The following SLCO3A1 variants were observed in gnomAD, a reference collection of about 807,000 sequenced individuals.
SLCO3A1 encodes solute carrier organic anion transporter family member 3A1.
A neutral mutation model predicts 63.1 loss-of-function variants in SLCO3A1; 27 were observed. That is an observed-to-expected ratio of 0.43 (90% CI 0.32 to 0.59). The LOEUF is 0.59. Ranked by LOEUF, SLCO3A1 falls within the 20% of genes least tolerant of loss-of-function variation. The pLI, the probability that SLCO3A1 is intolerant of heterozygous loss-of-function variation, is 0.09. For missense variants in SLCO3A1, 773 were observed against 945.8 expected (o/e 0.82, Z 2.40); for synonymous variants, 473 against 409.9 (o/e 1.15, Z -1.86).
rs149482520 is a variant in SLCO3A1, at chr15:92,152,564, A to G, written c.1753+1550A>G. Among the ~76,000 whole-genome samples, 281 of 152,358 alleles carry G rather than the reference A, an allele frequency of 1.8e-3. 1 individual carries two copies. The highest frequency in any genetic ancestry group is 6.5e-3 in the African/African-American group (270 of 41,580). The stretch of plus-strand genomic sequence containing the variant: ...GGAAGCTGTAGTAGCATGCAGAAAT[A>G]CCAAGGCAGAGTTATGATCGTGCTG... On this transcript the variant is annotated intron_variant, in intron 9 of 9. Transcript: ENST00000318445.
At chr15:91,891,318 A>G (rs1897865262) in intron 1 of SLCO3A1, among the ~76,000 whole-genome samples, 1 of 152,184 alleles carries the variant, frequency 6.6e-6, no homozygotes, top group African/African-American at 2.4e-5. Context: ...ACCTTGTCTG[A>G]AGTCAGGCTT....
intron 2 of SLCO3A1, among the ~76,000 whole-genome samples, chr15:91,996,532 G>T (rs2046194103): frequency 6.6e-6 from 1 of 151,996 alleles, no homozygotes. Flanking sequence ...AGATGACCAA[G>T]AATAATTAAC....
At position 91,931,265 on chromosome 15, in the gene SLCO3A1, A is replaced by G. The variant is rs115411854; in HGVS notation, c.646+14807A>G. Among the ~76,000 whole-genome samples, 156 of 152,308 alleles carry G rather than the reference A, an allele frequency of 1.0e-3. 1 individual carries two copies. The highest frequency in any genetic ancestry group is 3.4e-3 in the African/African-American group (142 of 41,566). ...TGCGATGCATTATGCAGGCAAAGAAATAACATGACAAAGCCTCTCTCACAG... is the reference window on the plus strand; with the variant it reads ...TGCGATGCATTATGCAGGCAAAGAAGTAACATGACAAAGCCTCTCTCACAG... On this transcript the variant is annotated intron_variant, in intron 2 of 9. Coordinates refer to ENST00000318445, the MANE Select transcript of SLCO3A1 (RefSeq NM_013272.4).
chr15:91,977,161 T>C (rs1184182104), intron 2 of SLCO3A1, among the ~76,000 whole-genome samples: 1 of 152,160 alleles, frequency 6.6e-6, no homozygotes, highest in African/African-American at 2.4e-5. Flanking sequence ...GATGGATACA[T>C]GGATTGTGCA....
intron 2 of SLCO3A1, among the ~76,000 whole-genome samples, chr15:91,996,025 A>G (rs1188613782): frequency 1.3e-5 from 2 of 152,158 alleles, no homozygotes; most frequent in Non-Finnish European, 2.9e-5. Flanking sequence ...TGGATGTTCT[A>G]GCTATACTTA....
intron 2 of SLCO3A1, among the ~76,000 whole-genome samples, chr15:91,938,575 C>T (rs1486535945): frequency 1.3e-5 from 2 of 150,698 alleles, no homozygotes; most frequent in South Asian, 2.1e-4. Context: ...TGTCAGGCTA[C>T]TCTGAATGCT....
At chr15:91,985,848 C>T (rs2046045006) in intron 2 of SLCO3A1, among the ~76,000 whole-genome samples, 1 of 152,142 alleles carries the variant, frequency 6.6e-6, no homozygotes, top group African/African-American at 2.4e-5. Flanking sequence ...AGAGACAGGA[C>T]GGAAGGAGGA....
intron 2 of SLCO3A1, among the ~76,000 whole-genome samples, chr15:92,007,639 G>A (rs556287758): frequency 2.1e-4 from 32 of 152,130 alleles, no homozygotes; most frequent in Non-Finnish European, 4.1e-4. Context: ...AGAACCTCTC[G>A]CAGATTTTTA....
intron 7 of SLCO3A1, among the ~76,000 whole-genome samples, chr15:92,130,315 C>T (rs1272113847): frequency 1.3e-5 from 2 of 152,254 alleles, no homozygotes; most frequent in African/African-American, 4.8e-5. Context: ...CTGCTTACCT[C>T]TGGACCTACT....
chr15:92,164,393 G>A lies in SLCO3A1; in HGVS notation c.*1258G>A. On this transcript the variant is annotated 3_prime_UTR_variant, in exon 10 of 10. Transcript: ENST00000318445. ...CACATTTGAGACAACAGGGGATAAT[G>A]TGATGAATTGCAAATTTGCCTTTTA... 4.1e-6 allele frequency: 4 copies of A among 985,464 alleles called. No individual in the cohort carries two copies. The highest frequency in any genetic ancestry group is 4.7e-5 in the South Asian group (1 of 21,284). 61.0% of individuals were successfully genotyped at this position (985,464 alleles called of 1,614,324 possible). A position where few individuals can be genotyped will look rare whatever the true frequency, so the allele number is the denominator to read the frequency against.
At chr15:92,114,733 C>T (rs368002646) in intron 4 of SLCO3A1, among the ~76,000 whole-genome samples, 14 of 152,146 alleles carry the variant, frequency 9.2e-5, no homozygotes, top group Non-Finnish European at 1.9e-4. Flanking sequence ...TGTTGGGAAG[C>T]TCCTCATGGC....
chr15:91,853,917 G>C lies in SLCO3A1; in HGVS notation c.9G>C (p.Gly3=). The change falls in exon 1 of 10, where the codon GGG becomes GGC. Residue 3 remains glycine, a synonymous_variant. Transcript: ENST00000318445. MQ[G]KKPGGSSGGG... ...GCGGCGGCGGGGGAAGGATGCAGGGGAAGAAGCCGGGCGGTTCGTCGGGCG... is the reference window on the plus strand; with the variant it reads ...GCGGCGGCGGGGGAAGGATGCAGGGCAAGAAGCCGGGCGGTTCGTCGGGCG... 6.9e-7 allele frequency: 1 copy of C among 1,439,180 alleles called. No homozygotes were observed. Among genetic ancestry groups the C allele is most frequent in the South Asian group, 1.4e-5 (1 of 72,084 alleles). 89.2% of individuals were successfully genotyped at this position (1,439,180 alleles called of 1,614,324 possible). A position where few individuals can be genotyped will look rare whatever the true frequency, so the allele number is the denominator to read the frequency against.
chr15:92,122,299 C>T (rs1366214562), intron 5 of SLCO3A1, among the ~76,000 whole-genome samples: 1 of 152,212 alleles, frequency 6.6e-6, no homozygotes, highest in Non-Finnish European at 1.5e-5. Flanking sequence ...CAGACTTCGT[C>T]TTCTCTGTAA....
At chr15:92,071,885 G>C (rs1464191182) in intron 2 of SLCO3A1, among the ~76,000 whole-genome samples, 9 of 152,244 alleles carry the variant, frequency 5.9e-5, no homozygotes, top group African/African-American at 2.4e-5. Context: ...CTGGGGGCCT[G>C]GGCGTGATGA....
chr15:92,130,908 A>C (rs961683330), intron 7 of SLCO3A1, among the ~76,000 whole-genome samples: 2 of 148,474 alleles, frequency 1.3e-5, no homozygotes, highest in South Asian at 2.1e-4. Flanking sequence ...AAAAAAAAAA[A>C]ACTCTTTGAC....
At chr15:92,156,809 A>C (rs1364304930) in intron 9 of SLCO3A1, among the ~76,000 whole-genome samples, 2 of 152,228 alleles carry the variant, frequency 1.3e-5, no homozygotes, top group Admixed American at 6.5e-5. Flanking sequence ...ATATCTTTTT[A>C]AATGTAAGTG....
Position 92,133,439 on chromosome 15 carries a change from T to C in SLCO3A1, c.1512+4950T>C, listed in dbSNP as rs1407357729. On this transcript the variant is annotated intron_variant, in intron 7 of 9. Coordinates refer to ENST00000318445, the MANE Select transcript of SLCO3A1 (RefSeq NM_013272.4). The stretch of plus-strand genomic sequence containing the variant: ...CCCACATCTAGCACCAGTGCCAGTC[T>C]GCGGTACTGGTACTGTTGGGAACTG... Among the ~76,000 whole-genome samples, 2 of 146,042 alleles carry C rather than the reference T, an allele frequency of 1.4e-5. 1 individual carries two copies. The highest frequency in any genetic ancestry group is 5.0e-5 in the African/African-American group (2 of 40,278).
chr15:92,091,284 C>T (rs1309042921), intron 2 of SLCO3A1, among the ~76,000 whole-genome samples: 2 of 152,182 alleles, frequency 1.3e-5, no homozygotes, highest in African/African-American at 4.8e-5. Context: ...AGGCTCTCCT[C>T]CCCACCGACA....
Position 92,078,475 on chromosome 15 carries a change from G to T in SLCO3A1, c.647-16406G>T, listed in dbSNP as rs150476748. The stretch of plus-strand genomic sequence containing the variant: ...GCCTGACCTCGGCGCACCTCCGCGG[G>T]CAGCTGCAGCCCAGCCATCTCCTAC... On this transcript the variant is annotated intron_variant, in intron 2 of 9. Transcript: ENST00000318445. Among the ~76,000 whole-genome samples, 599 of 152,286 alleles carry T rather than the reference G, an allele frequency of 3.9e-3. 6 individuals are homozygous for T. Among genetic ancestry groups the T allele is most frequent in the African/African-American group, 0.014 (575 of 41,558 alleles).
Sources: gnomAD v4.1 joint callset for allele counts (sites outside exome capture counted in the v4.1 genomes callset) on GRCh38, gnomAD v4.1.1 for gene constraint, MANE v1.5 for transcripts, NCBI Gene and HGNC (gene_info 2026-07-23, HGNC 2026-07-21) for gene names.